PDE5A: variants seen among roughly 807,000 people sequenced by gnomAD.
PDE5A encodes the protein cGMP-specific 3',5'-cyclic phosphodiesterase.
In PDE5A, 67 loss-of-function variants were observed where a neutral mutation model predicts 110.2. The ratio of observed to expected loss-of-function variants is 0.61; its 90% CI spans 0.50 to 0.75. PDE5A has a LOEUF of 0.75. PDE5A is among the 30% of genes least tolerant of loss of function. The pLI is 0.00. For synonymous variants in PDE5A, 328 were observed against 351.2 expected, an observed-to-expected ratio of 0.93 and a Z score of 0.74; for missense variants, 862 against 1,045.1, an observed-to-expected ratio of 0.82 and a Z score of 2.42.
At chr4:119,565,757 G>A (rs1727908140) in intron 4 of PDE5A, among the ~76,000 whole-genome samples, 1 of 151,766 alleles carries the variant, frequency 6.6e-6, no homozygotes, top group Admixed American at 6.6e-5. Context: ...TAAATAGCTT[G>A]TAACTCATTA....
intron 8 of PDE5A, among the ~76,000 whole-genome samples, chr4:119,553,402 C>T (rs571194515): frequency 1.2e-3 from 176 of 152,014 alleles, no homozygotes; most frequent in African/African-American, 3.5e-3. Flanking sequence ...AAAAATAGTA[C>T]GGTAACTTAT....
At chr4:119,588,656 A>G (rs186763035) in intron 3 of PDE5A, among the ~76,000 whole-genome samples, 241 of 151,052 alleles carry the variant, frequency 1.6e-3, no homozygotes, top group African/African-American at 5.5e-3. Flanking sequence ...CTTAAATTCT[A>G]AAAAACATTT....
At chr4:119,589,926 A>G (rs1003565016) in intron 3 of PDE5A, among the ~76,000 whole-genome samples, 1 of 152,174 alleles carries the variant, frequency 6.6e-6, no homozygotes, top group East Asian at 1.9e-4. Context: ...TAAACACATC[A>G]GTGTACCTTC....
rs76847896 is a variant in PDE5A at position 119,616,407 on chromosome 4, C to T, written c.153-9110G>A. On this transcript the variant is annotated intron_variant, in intron 1 of 20. Transcript: ENST00000354960. ...ATAAATGTGACTCAAATCTTACTCT[C>T]GAAACTCTTTACACAATGAATCAAA... Among the ~76,000 whole-genome samples the T allele has an allele frequency of 3.9e-3, 601 of 152,226 alleles. 6 individuals are homozygous for T. The highest frequency in any genetic ancestry group is 0.013 in the African/African-American group (556 of 41,542).
At chr4:119,598,808 T>C (rs935883891) in intron 2 of PDE5A, among the ~76,000 whole-genome samples, 1 of 152,022 alleles carries the variant, frequency 6.6e-6, no homozygotes, top group Admixed American at 6.6e-5. Context: ...TCTGAAGTGG[T>C]TGGAAAGTAT....
chr4:119,573,052 A>G (rs1728196812), intron 3 of PDE5A, among the ~76,000 whole-genome samples: 1 of 152,222 alleles, frequency 6.6e-6, no homozygotes, highest in Admixed American at 6.5e-5. Flanking sequence ...GCAACTTGCA[A>G]TTATATTCAA....
intron 9 of PDE5A, chr4:119,550,096 C>T (rs1727287851): frequency 6.6e-6 from 1 of 152,116 alleles, no homozygotes; most frequent in Non-Finnish European, 1.5e-5. Context: ...AAGTATAGTC[C>T]AGAAATCAAA....
At chr4:119,584,044 A>G (rs556161625) in intron 3 of PDE5A, among the ~76,000 whole-genome samples, 2 of 152,304 alleles carry the variant, frequency 1.3e-5, no homozygotes, top group South Asian at 4.1e-4. Flanking sequence ...CTGAGATGAG[A>G]TCTGGCGCAC....
At chr4:119,605,707 G>C (rs7439678) in intron 2 of PDE5A, among the ~76,000 whole-genome samples, 147,972 of 152,226 alleles carry the variant, frequency 0.97, 72,056 homozygotes, top group East Asian at 1. Flanking sequence ...CTTCTCTGAA[G>C]CTTATCACAT....
At chr4:119,569,749 CAT>C (rs1728078825) in intron 3 of PDE5A, 1 of 152,612 alleles carries the variant, frequency 6.6e-6, no homozygotes, top group South Asian at 2.1e-4. Context: ...GTTTATAACA[CAT>C]GGAACAGGCA....
chr4:119,510,275 C>A (rs1725691685), intron 15 of PDE5A, among the ~76,000 whole-genome samples: 1 of 151,968 alleles, frequency 6.6e-6, no homozygotes, highest in Non-Finnish European at 1.5e-5. Flanking sequence ...TGATGGGAAT[C>A]CCTGAATTTT....
chr4:119,547,019 T>C (rs1291252198), intron 9 of PDE5A, among the ~76,000 whole-genome samples: 1 of 151,890 alleles, frequency 6.6e-6, no homozygotes, highest in African/African-American at 2.4e-5. Context: ...TAAGTTATTT[T>C]ATTTTGCCTC....
chr4:119,588,380 T>C (rs559114121), intron 3 of PDE5A, among the ~76,000 whole-genome samples: 60 of 152,060 alleles, frequency 3.9e-4, no homozygotes, highest in Non-Finnish European at 7.4e-4. Context: ...TTTCACCATG[T>C]TGGCCAGGCT....
intron 3 of PDE5A, among the ~76,000 whole-genome samples, chr4:119,589,255 G>C (rs932539143): frequency 6.7e-6 from 1 of 149,774 alleles, no homozygotes; most frequent in East Asian, 1.9e-4. Flanking sequence ...AAATAATCTA[G>C]AGAAAAAAAA....
At chr4:119,567,919 G>A (rs965301943) in intron 3 of PDE5A, among the ~76,000 whole-genome samples, 11 of 151,988 alleles carry the variant, frequency 7.2e-5, no homozygotes, top group Admixed American at 1.3e-4. Context: ...CTGCTATTTA[G>A]TATCAGTGGA....
Position 119,525,599 on chromosome 4 carries a change from G to A in PDE5A, c.1729C>T (p.Arg577Trp), listed in dbSNP as rs182361575. Residue 577 changes from arginine to tryptophan, a missense_variant, in exon 12 of 21, where the codon CGG becomes TGG. Transcript: ENST00000354960. The surrounding 1 kb of genome is among the most constrained non-coding windows in gnomAD (Gnocchi z 4.3). ...ACAAGGTTGAGGTCAGTAAACATCC[G>A]AATTGTACACAGTGCTGTTTCCAGA... ...SDLETALCTI[R>W]MFTDLNLVQN... The A allele has an allele frequency of 4.5e-5, 73 of 1,613,042 alleles. No homozygotes were observed. Among genetic ancestry groups the A allele is most frequent in the Admixed American group, 2.5e-4 (15 of 59,884 alleles).
In PDE5A at chr4:119,577,942, C is replaced by T. The variant is rs559370243; in HGVS notation, c.832-10798G>A. Among the ~76,000 whole-genome samples, 12 of 152,220 alleles carry T rather than the reference C, an allele frequency of 7.9e-5. No homozygotes were observed. The South Asian group carries it at 1.4e-3, about 18-fold the overall frequency. Reference sequence around the variant, plus strand: ...TGATTATGTATCTAGAAAACCCCATCGTCTCAGCCAAAAATCTCCTTAAGC... The same window carrying T: ...TGATTATGTATCTAGAAAACCCCATTGTCTCAGCCAAAAATCTCCTTAAGC... On this transcript the variant is annotated intron_variant, in intron 3 of 20. Transcript: ENST00000354960.
chr4:119,515,629 T>C (rs1725883543), intron 14 of PDE5A, among the ~76,000 whole-genome samples: 1 of 152,216 alleles, frequency 6.6e-6, no homozygotes, highest in Non-Finnish European at 1.5e-5. Context: ...TCTTTCATTT[T>C]CATCAATGGC....
intron 1 of PDE5A, 23 bp from the exon 2 acceptor site, chr4:119,607,320 A>G (rs757962639): frequency 6.7e-7 from 1 of 1,498,378 alleles, no homozygotes; most frequent in Non-Finnish European, 9.2e-7. Flanking sequence ...ACGTGCAGAC[A>G]CATTAGATAC....
Sources: allele counts gnomAD v4.1 joint callset (sites outside exome capture counted in the v4.1 genomes callset), GRCh38; gene constraint gnomAD v4.1.1; non-coding constraint Gnocchi (gnomAD v3.1); transcripts MANE v1.5; gene names NCBI Gene and HGNC (gene_info 2026-07-23, HGNC 2026-07-21).